ABCA9: variants seen among roughly 807,000 people sequenced by gnomAD.
ABCA9 encodes the protein ATP-binding cassette sub-family A member 9.
Under a neutral mutation model 205.3 loss-of-function variants are expected in ABCA9, and 183 were observed. The ratio of observed to expected loss-of-function variants is 0.89; its 90% CI spans 0.79 to 1.01. The LOEUF (loss-of-function observed/expected upper bound fraction) is 1.01, where lower values mean the gene tolerates loss of function less well. ABCA9 is among the 50% of genes least tolerant of loss of function. The probability of loss-of-function intolerance (pLI) is 0.00; values close to 1 mark genes in which losing one functional copy is unlikely to be tolerated. For missense variants in ABCA9, 1,805 were observed against 1,912.4 expected, an observed-to-expected ratio of 0.94 and a Z score of 1.05; for synonymous variants, 651 against 683.3, an observed-to-expected ratio of 0.95 and a Z score of 0.74.
At chr17:68,987,004 TA>T (rs2069259515) in intron 31 of ABCA9, among the ~76,000 whole-genome samples, 3 of 152,256 alleles carry the variant, frequency 2.0e-5, no homozygotes, top group African/African-American at 7.2e-5. Context: ...TTATTATTTT[TA>T]TTAGCCAGGC....
rs772663531 is a variant in ABCA9 at position 69,045,171 on chromosome 17, C to A, written c.469+1G>T. The A allele has an allele frequency of 3.1e-6, 5 of 1,610,246 alleles. No homozygotes were observed. In the East Asian group the frequency reaches 1.1e-4, roughly 36 times the overall value. On this transcript the variant is annotated splice_donor_variant, in intron 4 of 38. Transcript: ENST00000340001. LOFTEE classifies it high-confidence loss of function. ...AAATTTTTTTCTTCTTCAAAAGTTA[C>A]CTGAATGGTCTCTGTGCTCTTTCAT...
intron 37 of ABCA9, among the ~76,000 whole-genome samples, chr17:68,982,327 C>T (rs1347361903): frequency 1.3e-5 from 2 of 152,134 alleles, no homozygotes; most frequent in Non-Finnish European, 2.9e-5. Context: ...CCCTGGCCTC[C>T]ACCCACTAGA....
intron 8 of ABCA9, among the ~76,000 whole-genome samples, chr17:69,034,413 G>C (rs566332266): frequency 1.3e-5 from 2 of 152,022 alleles, no homozygotes; most frequent in Non-Finnish European, 2.9e-5. Context: ...TGGAGATGGG[G>C]TTTCACCATG....
intron 6 of ABCA9, among the ~76,000 whole-genome samples, chr17:69,040,348 A>G (rs560512017): frequency 3.0e-4 from 46 of 152,346 alleles, no homozygotes; most frequent in African/African-American, 1.1e-3. Context: ...AATGTGGCAC[A>G]TATACACCAT....
chr17:69,052,969 C>A (rs2071955357), intron 1 of ABCA9, among the ~76,000 whole-genome samples: 1 of 152,154 alleles, frequency 6.6e-6, no homozygotes. Context: ...ATGCACATGG[C>A]AGAGTGTGCA....
chr17:69,041,339 T>G (rs12325889), intron 6 of ABCA9, among the ~76,000 whole-genome samples: 44,856 of 152,076 alleles, frequency 0.29, 7,128 homozygotes, highest in East Asian at 0.64. Flanking sequence ...CCCTGATTTT[T>G]AATCCTTTCT....
intron 25 of ABCA9, among the ~76,000 whole-genome samples, chr17:68,997,375 A>C (rs934328141): frequency 7.2e-5 from 11 of 152,162 alleles, no homozygotes; most frequent in Admixed American, 6.5e-5. Flanking sequence ...TTACAAAAGG[A>C]ACTCTTCAAC....
intron 3 of ABCA9, among the ~76,000 whole-genome samples, chr17:69,046,321 C>G (rs568785647): frequency 1.3e-5 from 2 of 152,308 alleles, no homozygotes; most frequent in Non-Finnish European, 2.9e-5. Context: ...TGCAATTCAG[C>G]AAGTTCTTTT....
chr17:68,977,439 A>G (rs2068921092), intron 37 of ABCA9, among the ~76,000 whole-genome samples: 1 of 152,124 alleles, frequency 6.6e-6, no homozygotes, highest in African/African-American at 2.4e-5. Flanking sequence ...TCTTTTTTCC[A>G]CTTACACTAC....
intron 34 of ABCA9, 111 bp downstream of exon 34, chr17:68,984,774 T>G: frequency 7.2e-7 from 1 of 1,394,122 alleles, no homozygotes; most frequent in Non-Finnish European, 9.8e-7. Context: ...TCCTAAAATA[T>G]TGCTTTTCCT....
chr17:69,026,249 G>T, intron 16 of ABCA9, 128 bp downstream of exon 16: 2 of 696,258 alleles, frequency 2.9e-6, no homozygotes, highest in Non-Finnish European at 4.9e-6. Context: ...TTATGCCTTA[G>T]TTCTACCATA....
chr17:69,056,103 A>T (rs2144533153), intron 1 of ABCA9, among the ~76,000 whole-genome samples: 1 of 152,296 alleles, frequency 6.6e-6, no homozygotes, highest in South Asian at 2.1e-4. Context: ...ACACCTTAGG[A>T]AATTAGAAAA....
chr17:68,979,564 T>C (rs1179891533), intron 37 of ABCA9, among the ~76,000 whole-genome samples: 1 of 151,222 alleles, frequency 6.6e-6, no homozygotes, highest in Non-Finnish European at 1.5e-5. Flanking sequence ...CAAAACAGAA[T>C]GGTACTGGTA....
At position 68,986,330 on chromosome 17, in the gene ABCA9, C is replaced by T. The variant is rs1567915702; in HGVS notation, c.4048-6G>A. ...CCGCTCCCTTTCAAAATCACCTATG[C>T]AAAATAAGTTCATTCTTAGATTCTA... On this transcript the variant is annotated splice_region_variant and splice_polypyrimidine_tract_variant and intron_variant, in intron 31 of 38. Transcript: ENST00000340001. 6.2e-7 allele frequency: 1 copy of T among 1,601,680 alleles called. No individual in the cohort carries two copies. Among genetic ancestry groups the T allele is most frequent in the Non-Finnish European group, 8.5e-7 (1 of 1,174,484 alleles).
At chr17:69,066,976 T>C in the ABCA9 span, among the ~76,000 whole-genome samples, 1 of 152,120 alleles carries the variant, frequency 6.6e-6, no homozygotes, top group Non-Finnish European at 1.5e-5. Flanking sequence ...CATTGATGGA[T>C]CAGGAAAGGC....
rs781565554 is a variant in ABCA9 at position 69,036,871 on chromosome 17, C to CAAAAAAAAAAAAAAAAAAAAA, written c.801-1091_801-1071dup. Among the ~76,000 whole-genome samples the CAAAAAAAAAAAAAAAAAAAAA allele has an allele frequency of 1.3e-3, 6 of 4,712 alleles. 3 individuals are homozygous for CAAAAAAAAAAAAAAAAAAAAA. Among genetic ancestry groups the CAAAAAAAAAAAAAAAAAAAAA allele is most frequent in the African/African-American group, 2.4e-3 (4 of 1,682 alleles). The allele number at this position is 4,712 out of a possible 152,430, so 3.1% of individuals were successfully genotyped here. On this transcript the variant is annotated intron_variant, in intron 6 of 38. Transcript: ENST00000340001. ...GAATATTTACCAAGTAAATGGAAAG[C>CAAAAAAAAAAAAAAAAAAAAA]AAAAAAAAAAAAAAAAAAAAAAAAA...
At chr17:68,987,754 G>GT (rs1441587722) in intron 31 of ABCA9, among the ~76,000 whole-genome samples, 108 of 85,380 alleles carry the variant, frequency 1.3e-3, no homozygotes, top group African/African-American at 3.3e-3. Flanking sequence ...TTGTTTGTTT[G>GT]TTTGTTTGTT....
chr17:68,980,297 G>T (rs1477516294), intron 37 of ABCA9, among the ~76,000 whole-genome samples: 1 of 152,156 alleles, frequency 6.6e-6, no homozygotes, highest in Non-Finnish European at 1.5e-5. Flanking sequence ...AGGTGCTGGA[G>T]AGGATGTGGA....
rs1342192389 is a variant in ABCA9 at position 69,060,904 on chromosome 17, C to T, written c.-52G>A. 3.0e-6 allele frequency: 3 copies of T among 985,312 alleles called. No homozygotes were observed. The highest frequency in any genetic ancestry group is 3.6e-6 in the Non-Finnish European group (3 of 829,938). 61.0% of individuals were successfully genotyped at this position (985,312 alleles called of 1,614,324 possible). On this transcript the variant is annotated 5_prime_UTR_variant, in exon 1 of 39. An upstream start codon of the reference 5' UTR is lost. Coordinates refer to ENST00000340001, the MANE Select transcript of ABCA9 (RefSeq NM_080283.4). Reference sequence around the variant, plus strand: ...GGAGGAAAAATCTAGAAACACAGTTCATCCATGGGTCTCTGCATGTTCTGG... The same window carrying T: ...GGAGGAAAAATCTAGAAACACAGTTTATCCATGGGTCTCTGCATGTTCTGG...
Sources: allele counts gnomAD v4.1 joint callset (sites outside exome capture counted in the v4.1 genomes callset), GRCh38; gene constraint gnomAD v4.1.1; transcripts MANE v1.5; gene names NCBI Gene and HGNC (gene_info 2026-07-23, HGNC 2026-07-21).